INSRR: variants seen among roughly 807,000 people sequenced by gnomAD.
INSRR encodes insulin receptor-related protein.
INSRR carries 114 observed loss-of-function variants against 130.0 expected under a neutral mutation model. That is an observed-to-expected ratio of 0.88 (90% CI 0.75 to 1.02). INSRR has a LOEUF of 1.02. Ranked by LOEUF, INSRR falls within the 50% of genes least tolerant of loss-of-function variation. The pLI is 0.00. For synonymous variants in INSRR, 674 were observed against 705.2 expected, an observed-to-expected ratio of 0.96 and a Z score of 0.70; for missense variants, 1,657 against 1,735.2, an observed-to-expected ratio of 0.95 and a Z score of 0.80.
chr1:156,841,383 AG>A lies in INSRR; in HGVS notation c.3662+10del. ...ATCAACAATGAGGAAGGGGCAGGGG[AG>A]GTGACTCACAGCTGAAGGGGACAGC... On this transcript the variant is annotated intron_variant, in intron 21 of 21. Coordinates refer to ENST00000368195, the MANE Select transcript of INSRR (RefSeq NM_014215.3). 6.2e-7 allele frequency: 1 copy of A among 1,612,620 alleles called. No individual in the cohort carries two copies. The highest frequency in any genetic ancestry group is 1.3e-5 in the African/African-American group (1 of 74,798).
chr1:156,843,645 C>T (rs1047188249), intron 15 of INSRR, among the ~76,000 whole-genome samples, 166 bp from the exon 16 acceptor site: 15 of 152,240 alleles, frequency 9.9e-5, no homozygotes, highest in Non-Finnish European at 1.6e-4. Context: ...CCAAGTTGGC[C>T]TTGGCCCTAT....
chr1:156,846,753 A>T lies in INSRR; in HGVS notation c.1576T>A (p.Phe526Ile). Residue 526 changes from phenylalanine to isoleucine, a missense_variant, in exon 8 of 22, where the codon TTC becomes ATC. Physicochemically the swap from Phe to Ile is conservative, Grantham distance 21. Coordinates refer to ENST00000368195, the MANE Select transcript of INSRR (RefSeq NM_014215.3). ...SFIVYYKESP[F>I]QNATEHVGPD... ...CCCACGTGCTCTGTGGCGTTCTGGA[A>T]TGGGCTGAACACCCATCCCCAGAGC... 1 of 1,613,320 alleles carries T rather than the reference A, an allele frequency of 6.2e-7. No homozygotes were observed. Among genetic ancestry groups the T allele is most frequent in the South Asian group, 1.1e-5 (1 of 91,068 alleles).
intron 1 of INSRR, among the ~76,000 whole-genome samples, chr1:156,856,896 G>A (rs1197735081): frequency 3.3e-5 from 5 of 152,016 alleles, no homozygotes; most frequent in African/African-American, 9.7e-5. Context: ...AGGACCTTCC[G>A]TGGCTCCCCA....
Position 156,858,674 on chromosome 1 carries a change from G to A in INSRR, c.-53C>T. 6.7e-7 allele frequency: 1 copy of A among 1,498,496 alleles called. No individual in the cohort carries two copies. Among genetic ancestry groups the A allele is most frequent in the Non-Finnish European group, 9.3e-7 (1 of 1,074,988 alleles). The allele number at this position is 1,498,496 out of a possible 1,614,324, so 92.8% of individuals were successfully genotyped here. ...CCGGCTCTCCTCCCGGTGACTCTGGGGAGAACGGTGTGATAAGCCCTAAGG... is the reference window on the plus strand; with the variant it reads ...CCGGCTCTCCTCCCGGTGACTCTGGAGAGAACGGTGTGATAAGCCCTAAGG... On this transcript the variant is annotated 5_prime_UTR_variant, in exon 1 of 22. Transcript: ENST00000368195.
In INSRR at chr1:156,845,056, T is replaced by C; in HGVS notation, c.2437+20A>G. ...TGGGGTCGGTGATGGGGGTAGAAGG[T>C]GTGTGTGTGGATCACCTACTGTGGG... On this transcript the variant is annotated intron_variant, in intron 12 of 21. Transcript: ENST00000368195. The C allele has an allele frequency of 6.3e-7, 1 of 1,587,048 alleles. No individual in the cohort carries two copies. The highest frequency in any genetic ancestry group is 8.6e-7 in the Non-Finnish European group (1 of 1,166,398).
intron 2 of INSRR, 31 bp downstream of exon 2, chr1:156,853,721 C>T (rs1296270863): frequency 4.5e-6 from 7 of 1,568,824 alleles, no homozygotes; most frequent in South Asian, 2.3e-5. Context: ...TCTCTCCCTT[C>T]CCTACATTCA....
chr1:156,856,622 A>G (rs780217852), intron 1 of INSRR, among the ~76,000 whole-genome samples: 7 of 152,050 alleles, frequency 4.6e-5, no homozygotes, highest in Non-Finnish European at 8.8e-5. Context: ...CGCCCACATC[A>G]CATTACCTGG....
chr1:156,841,879 T>A, intron 19 of INSRR, 85 bp from the exon 20 acceptor site: 1 of 1,607,246 alleles, frequency 6.2e-7, no homozygotes, highest in Non-Finnish European at 8.5e-7. Flanking sequence ...TCTCCCAATC[T>A]TCTCATCCTC....
chr1:156,853,708 T>A (rs749544142), intron 2 of INSRR, 44 bp downstream of exon 2: 2 of 1,551,200 alleles, frequency 1.3e-6, no homozygotes, highest in Non-Finnish European at 1.8e-6. Context: ...CATGTGACCC[T>A]GCTCTCTCCC....
At chr1:156,846,781 AG>A (rs758931354) in intron 7 of INSRR, 24 bp from the exon 8 acceptor site, 90 of 1,587,896 alleles carry the variant, frequency 5.7e-5, no homozygotes, top group Non-Finnish European at 7.3e-5. Flanking sequence ...CCCAGAGCTG[AG>A]GGGTCATTCA....
At chr1:156,845,546 A>AAACCCCCC in intron 10 of INSRR, 73 bp downstream of exon 10, 1 of 392,140 alleles carries the variant, frequency 2.6e-6, no homozygotes, top group South Asian at 3.1e-5. Context: ...CACAAACCCC[A>AAACCCCCC]CCCCTCCCGC....
chr1:156,858,734 G>A lies in INSRR; in HGVS notation c.-113C>T. 1.2e-6 allele frequency: 1 copy of A among 841,350 alleles called. No individual in the cohort carries two copies. Among genetic ancestry groups the A allele is most frequent in the Non-Finnish European group, 2.0e-6 (1 of 496,278 alleles). 52.1% of individuals were successfully genotyped at this position (841,350 alleles called of 1,614,324 possible). On this transcript the variant is annotated 5_prime_UTR_variant, in exon 1 of 22. Transcript: ENST00000368195. ...ACCAGGGTTCAGATAGGAGAGGGAG[G>A]GCAGGGGCAGAGAGACAAGGAATCC... is the stretch of plus-strand genomic sequence containing the variant.
At position 156,848,905 on chromosome 1, in the gene INSRR, C is replaced by T. The variant is rs776757652; in HGVS notation, c.1571+16G>A. On this transcript the variant is annotated intron_variant, in intron 7 of 21. Coordinates refer to ENST00000368195, the MANE Select transcript of INSRR (RefSeq NM_014215.3). ...TCCGGTCCCGCCCCCGCTCCGGCCCCGCCCCCGGCACTCACGACTCCTTGT... is the reference window on the plus strand; with the variant it reads ...TCCGGTCCCGCCCCCGCTCCGGCCCTGCCCCCGGCACTCACGACTCCTTGT... 3.2e-6 allele frequency: 5 copies of T among 1,554,704 alleles called. No individual in the cohort carries two copies. The Admixed American group carries it at 9.7e-5, about 30-fold the overall frequency.
chr1:156,851,346 C>T lies in INSRR; in HGVS notation c.1173G>A (p.Val391=), dbSNP rs1217482398. The change falls in exon 5 of 22, where the codon GTG becomes GTA. Residue 391 remains valine (V), a synonymous_variant. Transcript: ENST00000368195. ...FLKIKHSFAL[V]SLGFFKNLKL... is the part of the protein sequence containing the mutation. ...TGAGGTTCTTGAAAAAGCCCAGGGA[C>T]ACGAGGGCAAAGGAGTGCTTGATTT... 3 of 1,614,122 alleles carry T rather than the reference C, an allele frequency of 1.9e-6. No homozygotes were observed. The highest frequency in any genetic ancestry group is 1.7e-5 in the Admixed American group (1 of 60,022).
At position 156,843,413 on chromosome 1, in the gene INSRR, A is replaced by G. The variant is rs202130625; in HGVS notation, c.2896+14T>C. 9.3e-6 allele frequency: 15 copies of G among 1,613,244 alleles called. No individual in the cohort carries two copies. Among genetic ancestry groups the G allele is most frequent in the Admixed American group, 1.7e-5 (1 of 59,966 alleles). The stretch of plus-strand genomic sequence containing the variant: ...CCTTTCCCACACCACCTGTCCACCC[A>G]CTCCCAGACCTACTATCAGAGGCGC... On this transcript the variant is annotated intron_variant, in intron 16 of 21. Coordinates refer to ENST00000368195, the MANE Select transcript of INSRR (RefSeq NM_014215.3).
intron 15 of INSRR, among the ~76,000 whole-genome samples, chr1:156,843,915 A>C (rs567075232): frequency 2.0e-5 from 3 of 152,208 alleles, no homozygotes; most frequent in Non-Finnish European, 4.4e-5. Flanking sequence ...TGTGGTGACC[A>C]ACAATCCCAG....
Position 156,849,460 on chromosome 1 carries a change from C to T in INSRR, c.1230G>A (p.Gly410=). ...KLIRGDAMVD[G]NYTLYVLDNQ... ...TGTCCAGCACGTAGAGAGTGTAGTTCCTGGGGGAGGCCAGGGGACCTTGCT... is the reference window on the plus strand; with the variant it reads ...TGTCCAGCACGTAGAGAGTGTAGTTTCTGGGGGAGGCCAGGGGACCTTGCT... The change falls in exon 6 of 22, where the codon GGG becomes GGA. Residue 410 remains glycine, a splice_region_variant and synonymous_variant. Transcript: ENST00000368195. 1 of 1,533,006 alleles carries T rather than the reference C, an allele frequency of 6.5e-7. No homozygotes were observed. The highest frequency in any genetic ancestry group is 8.8e-7 in the Non-Finnish European group (1 of 1,131,402). The allele number at this position is 1,533,006 out of a possible 1,614,324, so 95.0% of individuals were successfully genotyped here.
chr1:156,842,191 A>G lies in INSRR; in HGVS notation c.3318T>C (p.Leu1106=). The G allele has an allele frequency of 6.2e-7, 1 of 1,614,054 alleles. No homozygotes were observed. The highest frequency in any genetic ancestry group is 8.5e-7 in the Non-Finnish European group (1 of 1,180,000). The change falls in exon 19 of 22, where the codon CTT becomes CTC. Residue 1106 remains leucine (L), a synonymous_variant. Coordinates refer to ENST00000368195, the MANE Select transcript of INSRR (RefSeq NM_014215.3). ...CTCGGTGCACAAACTTGTTGGCAGC[A>G]AGGTAGGCCATGCCGTCTGCAATCT... ...AGEIADGMAY[L]AANKFVHRDL... is the part of the protein sequence containing the mutation.
intron 2 of INSRR, among the ~76,000 whole-genome samples, chr1:156,852,803 T>C (rs1331745925): frequency 6.6e-6 from 1 of 152,240 alleles, no homozygotes. Context: ...ACACTGTACA[T>C]GAGAGGATGC....
Sources: gnomAD v4.1 joint callset for allele counts (sites outside exome capture counted in the v4.1 genomes callset) on GRCh38, gnomAD v4.1.1 for gene constraint, MANE v1.5 for transcripts, NCBI Gene and HGNC (gene_info 2026-07-23, HGNC 2026-07-21) for gene names.